The following SLC5A8 variants were observed in gnomAD, a reference collection of about 807,000 sequenced individuals.
SLC5A8 encodes the protein solute carrier family 5 member 8.
SLC5A8 carries 55 observed loss-of-function variants against 71.9 expected under a neutral mutation model. The ratio of observed to expected loss-of-function variants is 0.77; its 90% CI spans 0.62 to 0.96. SLC5A8 has a LOEUF of 0.96. Ranked by LOEUF, SLC5A8 falls within the 40% of genes least tolerant of loss-of-function variation. SLC5A8 has a pLI of 0.00. For synonymous variants in SLC5A8, 307 were observed against 276.1 expected (o/e 1.11, Z -1.11); for missense variants, 701 against 745.3 (o/e 0.94, Z 0.69).
At chr12:101,158,124 G>C in intron 14 of SLC5A8, 125 bp downstream of exon 14, 1 of 712,076 alleles carries the variant, frequency 1.4e-6, no homozygotes, top group East Asian at 2.6e-5. Context: ...TAGATCATCA[G>C]ATTATATAGG....
At chr12:101,177,588 A>T (rs1274030464) in intron 10 of SLC5A8, among the ~76,000 whole-genome samples, 24 of 152,062 alleles carry the variant, frequency 1.6e-4, no homozygotes, top group Non-Finnish European at 1.8e-4. Flanking sequence ...TATAAAAATA[A>T]CTACACACCA....
At chr12:101,203,763 T>C (rs1356214273) in intron 2 of SLC5A8, among the ~76,000 whole-genome samples, 1 of 152,118 alleles carries the variant, frequency 6.6e-6, no homozygotes, top group Non-Finnish European at 1.5e-5. Context: ...AAGAGGAAAA[T>C]GTGTATATAA....
chr12:101,166,372 G>A, intron 12 of SLC5A8, 122 bp downstream of exon 12: 1 of 735,876 alleles, frequency 1.4e-6, no homozygotes. Flanking sequence ...AACCACATGG[G>A]TTTTACTCAT....
At chr12:101,180,589 C>T (rs146991710) in intron 9 of SLC5A8, among the ~76,000 whole-genome samples, 6 of 152,298 alleles carry the variant, frequency 3.9e-5, no homozygotes, top group South Asian at 2.1e-4. Flanking sequence ...GGGTGTTGGA[C>T]GACTTTTAGC....
intron 12 of SLC5A8, among the ~76,000 whole-genome samples, chr12:101,164,903 G>T (rs1156740618): frequency 6.6e-6 from 1 of 152,174 alleles, no homozygotes; most frequent in Non-Finnish European, 1.5e-5. Context: ...CATTCTTGAA[G>T]TAGTAGTATA....
At chr12:101,183,434 A>C (rs1320899994) in intron 8 of SLC5A8, among the ~76,000 whole-genome samples, 1 of 152,144 alleles carries the variant, frequency 6.6e-6, no homozygotes, top group Non-Finnish European at 1.5e-5. Flanking sequence ...TACAGGCTTG[A>C]CAGTAAAAGA....
In SLC5A8 at chr12:101,193,777, AC is replaced by A; in HGVS notation, c.539del (p.Gly180ValfsTer24). 2 of 1,613,694 alleles carry A rather than the reference AC, an allele frequency of 1.2e-6. No homozygotes were observed. Among genetic ancestry groups the A allele is most frequent in the Non-Finnish European group, 1.7e-6 (2 of 1,179,898 alleles). ...GVVCTFYCTL[G>X]GLKAVIWTDV... ...CTGTCCAGATAACTGCTTTAAGACC[AC>A]CCTTTGAGGGGAAAGTATATTAGGA... is the stretch of plus-strand genomic sequence containing the variant. On this transcript the variant is annotated frameshift_variant and splice_region_variant, in exon 5 of 15. Transcript: ENST00000536262. LOFTEE classifies it high-confidence loss of function.
intron 10 of SLC5A8, among the ~76,000 whole-genome samples, chr12:101,176,083 A>G (rs774339598): frequency 5.9e-5 from 9 of 152,084 alleles, no homozygotes; most frequent in Non-Finnish European, 1.2e-4. Flanking sequence ...AAAAGACTCA[A>G]CTGTGTGCTG....
chr12:101,158,100 C>T, intron 14 of SLC5A8, 149 bp downstream of exon 14: 1 of 627,398 alleles, frequency 1.6e-6, no homozygotes, highest in Non-Finnish European at 2.8e-6. Context: ...GGATAGAGAG[C>T]TATCCAACAT....
At position 101,156,469 on chromosome 12, in the gene SLC5A8, C is replaced by T. The variant is rs1566301827; in HGVS notation, c.*810G>A. ...CATGATTCACATGAGTGTCTTGAGA[C>T]ATATCCAAGCCCAGGGCAATAAACA... On this transcript the variant is annotated 3_prime_UTR_variant, in exon 15 of 15. Transcript: ENST00000536262. 1.3e-5 allele frequency: 2 copies of T among 152,140 alleles called. No homozygotes were observed. The highest frequency in any genetic ancestry group is 4.8e-5 in the African/African-American group (2 of 41,424). 9.4% of individuals were successfully genotyped at this position (152,140 alleles called of 1,614,324 possible). A position where few individuals can be genotyped will look rare whatever the true frequency, so the allele number is the denominator to read the frequency against.
chr12:101,201,066 A>G (rs770267853), intron 3 of SLC5A8, among the ~76,000 whole-genome samples: 25 of 152,186 alleles, frequency 1.6e-4, no homozygotes, highest in Non-Finnish European at 3.4e-4. Context: ...TAAGAACAGA[A>G]TGCTTGATTT....
chr12:101,170,674 A>G (rs2051820655), intron 10 of SLC5A8, among the ~76,000 whole-genome samples: 1 of 152,148 alleles, frequency 6.6e-6, no homozygotes, highest in Non-Finnish European at 1.5e-5. Context: ...GCTCCATTCC[A>G]TCCGAACACC....
chr12:101,177,355 A>T (rs960351342), intron 10 of SLC5A8, among the ~76,000 whole-genome samples: 3 of 152,096 alleles, frequency 2.0e-5, no homozygotes, highest in East Asian at 1.9e-4. Flanking sequence ...AATTTTAGAC[A>T]ATCTCTCCTA....
Position 101,209,559 on chromosome 12 carries a change from A to T in SLC5A8, c.290T>A (p.Val97Asp). 6.2e-7 allele frequency: 1 copy of T among 1,613,122 alleles called. No individual in the cohort carries two copies. The highest frequency in any genetic ancestry group is 8.5e-7 in the Non-Finnish European group (1 of 1,179,630). ...IFAFTYFFVV[V>D]ISAEVFLPVF... ...CGGGAGGAAGACCTCCGCGCTGATGACCACCACAAAGAAGTAGGTGAAGGC... is the reference window on the plus strand; with the variant it reads ...CGGGAGGAAGACCTCCGCGCTGATGTCCACCACAAAGAAGTAGGTGAAGGC... Residue 97 changes from valine to aspartate, a missense_variant, in exon 1 of 15, where the codon GTC becomes GAC. Physicochemically the swap from Val to Asp is radical, Grantham distance 152 (BLOSUM62 -3). Coordinates refer to ENST00000536262, the MANE Select transcript of SLC5A8 (RefSeq NM_145913.5).
intron 4 of SLC5A8, among the ~76,000 whole-genome samples, chr12:101,194,834 A>G (rs904768908): frequency 6.6e-6 from 1 of 152,174 alleles, no homozygotes; most frequent in Admixed American, 6.5e-5. Flanking sequence ...TAACTTGGCA[A>G]CAGTACAGAT....
rs1327941420 is a variant in SLC5A8 at position 101,195,123 on chromosome 12, C to T, written c.509G>A (p.Gly170Glu). The change falls in exon 4 of 15, where the codon GGG becomes GAG. Residue 170 changes from glycine (G) to glutamate (E), a missense_variant. Transcript: ENST00000536262. ...FDLWGAVVATGVVCTFYCTLG... is the reference protein window; with the variant it reads ...FDLWGAVVATEVVCTFYCTLG... Reference sequence around the variant, plus strand: ...TGTGCAGTAGAATGTGCAGACCACCCCCGTTGCCACTACCGCGCCCCACAG... The same window carrying T: ...TGTGCAGTAGAATGTGCAGACCACCTCCGTTGCCACTACCGCGCCCCACAG... The T allele has an allele frequency of 1.9e-6, 3 of 1,613,954 alleles. No individual in the cohort carries two copies. The highest frequency in any genetic ancestry group is 3.3e-5 in the Admixed American group (2 of 59,984).
rs2137160921 is a variant in SLC5A8, at chr12:101,195,289, G to A, written c.470-127C>T. ...CTTCCTCTATACCCACTTGCCTAAA[G>A]CTAAAACTAGCTCCAAATCTCATAA... On this transcript the variant is annotated intron_variant, in intron 3 of 14. Coordinates refer to ENST00000536262, the MANE Select transcript of SLC5A8 (RefSeq NM_145913.5). 8.3e-6 allele frequency: 7 copies of A among 846,392 alleles called. No homozygotes were observed. In the South Asian group the frequency reaches 1.2e-4, roughly 14 times the overall value. The allele number at this position is 846,392 out of a possible 1,614,324, so 52.4% of individuals were successfully genotyped here.
intron 7 of SLC5A8, among the ~76,000 whole-genome samples, chr12:101,186,080 ATTTT>A (rs35334880): frequency 8.2e-5 from 11 of 134,788 alleles, no homozygotes; most frequent in Admixed American, 1.5e-4. Context: ...AGCCGTAGGG[ATTTT>A]TTTTTTTTTT....
chr12:101,207,522 C>G (rs1457931222), intron 1 of SLC5A8, among the ~76,000 whole-genome samples: 1 of 152,184 alleles, frequency 6.6e-6, no homozygotes, highest in Non-Finnish European at 1.5e-5. Context: ...TTAGCCTCTA[C>G]CACTGCAAGC....
Sources: gnomAD v4.1 joint callset for allele counts (sites outside exome capture counted in the v4.1 genomes callset) on GRCh38, gnomAD v4.1.1 for gene constraint, MANE v1.5 for transcripts, NCBI Gene and HGNC (gene_info 2026-07-23, HGNC 2026-07-21) for gene names.